SYN3: variants seen among roughly 807,000 people sequenced by gnomAD.
SYN3 encodes the protein synapsin-3.
SYN3 carries 35 observed loss-of-function variants against 65.8 expected under a neutral mutation model. The observed-to-expected ratio is 0.53, with a 90% CI of 0.41 to 0.70. The LOEUF is 0.70. SYN3 is among the 30% of genes least tolerant of loss of function. The pLI, the probability that SYN3 is intolerant of heterozygous loss-of-function variation, is 0.00. For missense variants in SYN3, 680 were observed against 749.0 expected, an observed-to-expected ratio of 0.91 and a Z score of 1.08; for synonymous variants, 270 against 292.9, an observed-to-expected ratio of 0.92 and a Z score of 0.80.
At chr22:32,721,417 C>T (rs548571617) in intron 6 of SYN3, among the ~76,000 whole-genome samples, 2 of 152,150 alleles carry the variant, frequency 1.3e-5, no homozygotes, top group East Asian at 1.9e-4. Context: ...TCAATAAAAC[C>T]CCCAGAAATC....
intron 4 of SYN3, among the ~76,000 whole-genome samples, chr22:32,895,752 A>G (rs2049575169): frequency 6.6e-6 from 1 of 152,038 alleles, no homozygotes; most frequent in African/African-American, 2.4e-5. Flanking sequence ...AAACCGACAA[A>G]CATTTCCAAG....
rs151326228 is a variant in SYN3 at position 32,810,441 on chromosome 22, G to C, written c.711+54474C>G. 6.6e-5 allele frequency among the ~76,000 whole-genome samples: 10 copies of C among 151,908 alleles called. No homozygotes were observed. The East Asian group carries it at 1.8e-3, about 27-fold the overall frequency. On this transcript the variant is annotated intron_variant, in intron 6 of 13. Coordinates refer to ENST00000358763, the MANE Select transcript of SYN3 (RefSeq NM_003490.4). Reference sequence around the variant, plus strand: ...CCTGGCTTTTTGTGGGGGTGGGGAAGGGAAGGAAAGCTGTACGATCTGGCC... The same window carrying C: ...CCTGGCTTTTTGTGGGGGTGGGGAACGGAAGGAAAGCTGTACGATCTGGCC...
chr22:32,718,749 A>G (rs2061074567), intron 6 of SYN3, among the ~76,000 whole-genome samples: 2 of 152,220 alleles, frequency 1.3e-5, no homozygotes, highest in Admixed American at 1.3e-4. Context: ...GACACAAATG[A>G]AGACAGGATC....
intron 12 of SYN3, among the ~76,000 whole-genome samples, chr22:32,521,442 ATTT>A (rs34710233): frequency 2.5e-5 from 3 of 119,776 alleles, no homozygotes; most frequent in African/African-American, 6.4e-5. Context: ...ACACCTCTTG[ATTT>A]TTTTTTTTTT....
At chr22:32,947,206 T>G (rs993869340) in intron 3 of SYN3, among the ~76,000 whole-genome samples, 1 of 152,206 alleles carries the variant, frequency 6.6e-6, no homozygotes, top group Admixed American at 6.5e-5. Flanking sequence ...ATTAATTGAA[T>G]CAATTATGTC....
intron 6 of SYN3, among the ~76,000 whole-genome samples, chr22:32,614,307 A>T (rs1169493209): frequency 2.4e-4 from 37 of 152,092 alleles, no homozygotes; most frequent in Non-Finnish European, 5.3e-4. Flanking sequence ...CAGCCGATGG[A>T]TGTGTGTGGG....
At chr22:32,544,092 C>T (rs762366945) in intron 7 of SYN3, among the ~76,000 whole-genome samples, 1 of 152,188 alleles carries the variant, frequency 6.6e-6, no homozygotes, top group Non-Finnish European at 1.5e-5. Flanking sequence ...GCGTGCACCA[C>T]CATGCCCGGC....
intron 3 of SYN3, among the ~76,000 whole-genome samples, chr22:32,955,710 T>C (rs2051432760): frequency 6.6e-6 from 1 of 152,124 alleles, no homozygotes; most frequent in Non-Finnish European, 1.5e-5. Context: ...ATGCAAATTA[T>C]TGATCCTGGG....
At chr22:32,842,792 A>ATATACTGT (rs2047951129) in intron 6 of SYN3, among the ~76,000 whole-genome samples, 1 of 152,154 alleles carries the variant, frequency 6.6e-6, no homozygotes, top group African/African-American at 2.4e-5. Context: ...AGATGATACG[A>ATATACTGT]TATACTGTTA....
chr22:32,939,966 G>A (rs768659584), intron 3 of SYN3, among the ~76,000 whole-genome samples: 5 of 152,106 alleles, frequency 3.3e-5, no homozygotes, highest in African/African-American at 9.7e-5. Flanking sequence ...TTTACATACC[G>A]TTAGCAATAT....
intron 3 of SYN3, among the ~76,000 whole-genome samples, chr22:32,953,818 T>C (rs2051363087): frequency 6.6e-6 from 1 of 152,182 alleles, no homozygotes; most frequent in Non-Finnish European, 1.5e-5. Flanking sequence ...GAGATGATTC[T>C]CCTCCTCATC....
chr22:32,855,185 T>C (rs1248399949), intron 6 of SYN3, among the ~76,000 whole-genome samples: 3 of 152,200 alleles, frequency 2.0e-5, no homozygotes, highest in Non-Finnish European at 4.4e-5. Flanking sequence ...GTGCAACACC[T>C]TGGTGCCCCA....
chr22:32,994,311 G>A (rs1453540256), intron 2 of SYN3, among the ~76,000 whole-genome samples: 1 of 152,128 alleles, frequency 6.6e-6, no homozygotes. Context: ...CTGCGAGGGG[G>A]TAGGGAGGGG....
intron 4 of SYN3, among the ~76,000 whole-genome samples, chr22:32,919,345 C>T (rs1367965192): frequency 6.6e-6 from 1 of 152,234 alleles, no homozygotes; most frequent in Non-Finnish European, 1.5e-5. Flanking sequence ...CCTTAGCCCA[C>T]ATATCTGCTT....
At chr22:32,565,123 G>A (rs113639091) in intron 7 of SYN3, among the ~76,000 whole-genome samples, 19 of 149,398 alleles carry the variant, frequency 1.3e-4, no homozygotes, top group East Asian at 1.2e-3. Flanking sequence ...CAGTGCTCCC[G>A]GACTGCACCC....
At chr22:32,999,640 G>A (rs1289584627) in intron 2 of SYN3, among the ~76,000 whole-genome samples, 5 of 152,122 alleles carry the variant, frequency 3.3e-5, no homozygotes, top group African/African-American at 4.8e-5. Flanking sequence ...CTGAGATTGC[G>A]CCATTCCACT....
At chr22:32,966,479 C>A (rs1472572686) in intron 3 of SYN3, among the ~76,000 whole-genome samples, 2 of 152,028 alleles carry the variant, frequency 1.3e-5, no homozygotes, top group African/African-American at 4.8e-5. Flanking sequence ...TCATGGAGGG[C>A]CTTGTGTGCA....
chr22:32,682,933 G>A (rs1380554901), intron 6 of SYN3, among the ~76,000 whole-genome samples: 3 of 152,212 alleles, frequency 2.0e-5, no homozygotes, highest in Non-Finnish European at 2.9e-5. Flanking sequence ...GACACATTCC[G>A]TTAAGAATAA....
intron 2 of SYN3, among the ~76,000 whole-genome samples, chr22:32,995,842 T>A (rs2052864188): frequency 6.6e-6 from 1 of 152,124 alleles, no homozygotes; most frequent in Admixed American, 6.5e-5. Context: ...TTTGTATTTT[T>A]AGTAGAGATG....
Sources: gnomAD v4.1 joint callset for allele counts (sites outside exome capture counted in the v4.1 genomes callset) on GRCh38, gnomAD v4.1.1 for gene constraint, MANE v1.5 for transcripts, NCBI Gene and HGNC (gene_info 2026-07-23, HGNC 2026-07-21) for gene names.